Variants in UTP20 observed in about 807,000 individuals in gnomAD.
UTP20 encodes small subunit processome component 20 homolog.
A neutral mutation model predicts 329.5 loss-of-function variants in UTP20; 164 were observed. The observed-to-expected ratio is 0.50, with a 90% CI of 0.44 to 0.57. The LOEUF (loss-of-function observed/expected upper bound fraction) is 0.57. Among genes scored for constraint, UTP20 ranks in the 20% least tolerant of loss-of-function variants. The probability of loss-of-function intolerance (pLI) is 0.00; values close to 1 mark genes in which losing one functional copy is unlikely to be tolerated. For missense variants in UTP20, 3,055 were observed against 3,284.2 expected, an observed-to-expected ratio of 0.93 and a Z score of 1.71; for synonymous variants, 1,151 against 1,159.3, an observed-to-expected ratio of 0.99 and a Z score of 0.14.
At chr12:101,359,505 A>G (rs1276539147) in intron 43 of UTP20, among the ~76,000 whole-genome samples, 9 of 150,282 alleles carry the variant, frequency 6.0e-5, no homozygotes, top group African/African-American at 1.7e-4. Flanking sequence ...GTGTGTGTAT[A>G]TATATATATA....
intron 40 of UTP20, among the ~76,000 whole-genome samples, 192 bp downstream of exon 40, chr12:101,353,321 A>G (rs1869601771): frequency 6.6e-6 from 1 of 152,220 alleles, no homozygotes; most frequent in Non-Finnish European, 1.5e-5. Flanking sequence ...TAACAAAAGA[A>G]AAGGCTAGTC....
Position 101,342,808 on chromosome 12 carries a change from G to A in UTP20, c.4267G>A (p.Gly1423Arg), listed in dbSNP as rs772403943. Residue 1423 changes from glycine (G) to arginine (R), a missense_variant, in exon 34 of 62, where the codon GGG becomes AGG. By Grantham distance (125) the Gly-to-Arg change is moderately radical. This residue lies in a region of UTP20 where 2,445 missense variants were observed against 2,575.5 expected (regional missense o/e 0.95). Transcript: ENST00000261637. ...TCAGACTCTTTCTGATTTTGAGAGT[G>A]GGTTAAAATATATTACTGATGTTGT... ...VFETLSDFES[G>R]LKYITDVVKL... 2 of 1,613,212 alleles carry A rather than the reference G, an allele frequency of 1.2e-6. No individual in the cohort carries two copies. The highest frequency in any genetic ancestry group is 2.7e-5 in the African/African-American group (2 of 74,886).
chr12:101,342,927 G>A lies in UTP20; in HGVS notation c.4297-14G>A. ...ATGCCTTCTTTTATATAACTTCAAT[G>A]GCATTTCTTATAGCTTAACGCCTTC... On this transcript the variant is annotated splice_polypyrimidine_tract_variant and intron_variant, in intron 34 of 61. Transcript: ENST00000261637. 1 of 1,610,282 alleles carries A rather than the reference G, an allele frequency of 6.2e-7. No homozygotes were observed. The highest frequency in any genetic ancestry group is 8.5e-7 in the Non-Finnish European group (1 of 1,178,928).
At chr12:101,313,118 G>A (rs1872846486) in intron 21 of UTP20, among the ~76,000 whole-genome samples, 1 of 152,160 alleles carries the variant, frequency 6.6e-6, no homozygotes, top group Non-Finnish European at 1.5e-5. Flanking sequence ...AACTGGATAT[G>A]CTATGTGAGA....
chr12:101,344,810 A>G, intron 36 of UTP20, 60 bp downstream of exon 36: 1 of 1,485,074 alleles, frequency 6.7e-7, no homozygotes, highest in South Asian at 1.2e-5. Context: ...TTGTTTTCCC[A>G]CGTTTGCTAC....
Position 101,373,458 on chromosome 12 carries a change from C to T in UTP20, c.6936C>T (p.Asp2312=), listed in dbSNP as rs749729594. ...STLEMIAYLF[D]TFPQGLLHEN... Reference sequence around the variant, plus strand: ...TGGAAATGATCGCCTATCTCTTTGACACGTTCCCTCAGGTACTGTGACCCC... The same window carrying T: ...TGGAAATGATCGCCTATCTCTTTGATACGTTCCCTCAGGTACTGTGACCCC... Residue 2312 remains aspartate (D), a synonymous_variant, in exon 53 of 62, where the codon GAC becomes GAT. Transcript: ENST00000261637. 1.9e-6 allele frequency: 3 copies of T among 1,614,102 alleles called. No homozygotes were observed. The Admixed American group carries it at 5.0e-5, about 27-fold the overall frequency.
chr12:101,311,597 A>G (rs117749202), intron 19 of UTP20, 122 bp from the exon 20 acceptor site: 2 of 841,834 alleles, frequency 2.4e-6, no homozygotes, highest in Admixed American at 5.7e-5. Context: ...TTACGACTCC[A>G]CATTGAGGGA....
At chr12:101,334,311 C>A in intron 28 of UTP20, 114 bp from the exon 29 acceptor site, 1 of 817,750 alleles carries the variant, frequency 1.2e-6, no homozygotes, top group Non-Finnish European at 1.9e-6. Context: ...ATGTTCATCT[C>A]TGTCCCTTGT....
chr12:101,358,065 A>G (rs1869785631), intron 43 of UTP20, among the ~76,000 whole-genome samples: 1 of 152,226 alleles, frequency 6.6e-6, no homozygotes, highest in African/African-American at 2.4e-5. Flanking sequence ...GACGTGATTA[A>G]GACTCCTGGT....
At chr12:101,371,849 T>C (rs564815961) in intron 51 of UTP20, among the ~76,000 whole-genome samples, 5 of 152,240 alleles carry the variant, frequency 3.3e-5, no homozygotes, top group African/African-American at 1.2e-4. Context: ...GTTCTAAGAA[T>C]AGCAAGGAGC....
At chr12:101,291,004 A>G in intron 8 of UTP20, 116 bp downstream of exon 8, 1 of 1,067,042 alleles carries the variant, frequency 9.4e-7, no homozygotes, top group Non-Finnish European at 1.3e-6. Flanking sequence ...TTTTATTTAT[A>G]CTTCTGTACA....
At chr12:101,350,637 T>C (rs961388031) in intron 38 of UTP20, among the ~76,000 whole-genome samples, 1 of 152,156 alleles carries the variant, frequency 6.6e-6, no homozygotes, top group East Asian at 1.9e-4. Flanking sequence ...CTTTAGTTTA[T>C]GACTAATATG....
At position 101,386,059 on chromosome 12, in the gene UTP20, G is replaced by A. The variant is rs118052100; in HGVS notation, c.8294G>A (p.Arg2765His). Residue 2765 changes from arginine (R) to histidine (H), a missense_variant, in exon 62 of 62, where the codon CGT (arginine) becomes CAT (histidine). Around this residue, in one of 3 missense-constraint regions of UTP20, gnomAD observed 337 missense variants for 345.5 expected, o/e 0.98. Coordinates refer to ENST00000261637, the MANE Select transcript of UTP20 (RefSeq NM_014503.3). ...AAGAAGAGAAAGATAGAGTTCCTGC[G>A]TCCAGGATATAAGGCCAAGAGACAA... Reference protein sequence around the residue: ...EAKKRKIEFLRPGYKAKRQKS... With the variant: ...EAKKRKIEFLHPGYKAKRQKS... The A allele has an allele frequency of 4.0e-3, 6,479 of 1,608,086 alleles. 17 individuals carry two copies. Among genetic ancestry groups the A allele is most frequent in the Non-Finnish European group, 4.8e-3 (5,660 of 1,178,976 alleles).
At position 101,312,103 on chromosome 12, in the gene UTP20, G is replaced by C. The variant is rs747012443; in HGVS notation, c.2379G>C (p.Gln793His). The C allele has an allele frequency of 2.5e-6, 4 of 1,614,236 alleles. No individual in the cohort carries two copies. The highest frequency in any genetic ancestry group is 3.4e-6 in the Non-Finnish European group (4 of 1,180,042). The change falls in exon 21 of 62, where the codon CAG becomes CAC. Residue 793 changes from glutamine (Q) to histidine (H), a missense_variant. Gln to His is a conservative substitution (Grantham distance 24). Coordinates refer to ENST00000261637, the MANE Select transcript of UTP20 (RefSeq NM_014503.3). ...GAGATGAAAGTTGGGAGCAGACCCA[G>C]GAAGGAGATGTTGGAGCTCTTTATC... ...SVGDESWEQTQEGDVGALYHE... is the reference protein window; with the variant it reads ...SVGDESWEQTHEGDVGALYHE...
At chr12:101,346,767 CTAT>C in intron 38 of UTP20, among the ~76,000 whole-genome samples, 179 bp downstream of exon 38, 2 of 152,206 alleles carry the variant, frequency 1.3e-5, no homozygotes, top group South Asian at 4.1e-4. Flanking sequence ...TAAATGGTGG[CTAT>C]TATTTGTGTT....
intron 12 of UTP20, among the ~76,000 whole-genome samples, chr12:101,297,362 C>T (rs1290244974): frequency 2.0e-5 from 3 of 152,096 alleles, no homozygotes; most frequent in South Asian, 2.1e-4. Context: ...ACCATAGGCA[C>T]GCACCACCAT....
chr12:101,318,065 AT>A (rs760996816), intron 22 of UTP20, among the ~76,000 whole-genome samples: 6 of 151,484 alleles, frequency 4.0e-5, no homozygotes, highest in South Asian at 4.2e-4. Flanking sequence ...CATGTTAGCA[AT>A]TTTTTTTTCC....
rs1871747392 is a variant in UTP20 at position 101,280,209 on chromosome 12, T to C, written c.-74T>C. 1 of 1,537,488 alleles carries C rather than the reference T, an allele frequency of 6.5e-7. No individual in the cohort carries two copies. Among genetic ancestry groups the C allele is most frequent in the Non-Finnish European group, 8.8e-7 (1 of 1,134,966 alleles). ...TCGGAGAGTATAGCCTGTGAGCCGCTTTCCCCTCCTTACTGTCGGTTGCAT... is the reference window on the plus strand; with the variant it reads ...TCGGAGAGTATAGCCTGTGAGCCGCCTTCCCCTCCTTACTGTCGGTTGCAT... On this transcript the variant is annotated 5_prime_UTR_variant, in exon 1 of 62. Transcript: ENST00000261637.
At chr12:101,355,854 G>T (rs1372563533) in intron 41 of UTP20, among the ~76,000 whole-genome samples, 1 of 151,906 alleles carries the variant, frequency 6.6e-6, no homozygotes, top group Non-Finnish European at 1.5e-5. Context: ...TTGAGGCCCT[G>T]TATTTATTAT....
Sources: allele counts gnomAD v4.1 joint callset (sites outside exome capture counted in the v4.1 genomes callset), GRCh38; gene constraint gnomAD v4.1.1; regional missense constraint gnomAD v4.1.1; transcripts MANE v1.5; gene names NCBI Gene and HGNC (gene_info 2026-07-23, HGNC 2026-07-21).